Variants in INSL6 observed in about 807,000 individuals in gnomAD.
INSL6 encodes insulin like 6, also known as insulin-like peptide INSL6.
In INSL6, 16 loss-of-function variants were observed where a neutral mutation model predicts 9.4. The ratio of observed to expected loss-of-function variants is 1.70; its 90% CI spans 1.15 to 2.59. INSL6 has a LOEUF of 2.59. Among genes scored for constraint, INSL6 ranks in the 30% most tolerant of loss-of-function variants. The probability of loss-of-function intolerance (pLI) is 0.00; values close to 1 mark genes in which losing one functional copy is unlikely to be tolerated. For synonymous variants in INSL6, 154 were observed against 96.9 expected (o/e 1.59, Z -3.46); for missense variants, 391 against 257.3 (o/e 1.52, Z -3.56).
At chr9:5,016,700 A>T in the INSL6 span, among the ~76,000 whole-genome samples, 1 of 152,162 alleles carries the variant, frequency 6.6e-6, no homozygotes, top group African/African-American at 2.4e-5. Flanking sequence ...TACTGGCAGG[A>T]GGCACCCCAG....
At chr9:5,035,388 C>G in the INSL6 span, among the ~76,000 whole-genome samples, 1 of 152,292 alleles carries the variant, frequency 6.6e-6, no homozygotes, top group East Asian at 1.9e-4. Flanking sequence ...TTTTATGAGG[C>G]CAGCATCATC....
At chr9:5,173,258 C>A (rs1825222553) in intron 1 of INSL6, among the ~76,000 whole-genome samples, 2 of 152,076 alleles carry the variant, frequency 1.3e-5, no homozygotes, top group South Asian at 4.1e-4. Flanking sequence ...CCAGCAATAC[C>A]ATTATTGGGT....
At chr9:5,109,789 A>G in the INSL6 span, 1 of 152,194 alleles carries the variant, frequency 6.6e-6, no homozygotes, top group Non-Finnish European at 1.5e-5. Context: ...TCTCAATATG[A>G]TATATAAACT....
chr9:5,112,799 G>C, the INSL6 span: 1 of 555,502 alleles, frequency 1.8e-6, no homozygotes, highest in Non-Finnish European at 2.9e-6. Flanking sequence ...GGTGCTTTCA[G>C]CTGCCCACCT....
intron 3 of INSL6, among the ~76,000 whole-genome samples, chr9:5,131,479 C>T (rs1461886136): frequency 8.1e-6 from 1 of 123,294 alleles, no homozygotes; most frequent in Non-Finnish European, 1.5e-5. Flanking sequence ...CTCTTGTCGT[C>T]CAGGCTGGAG....
the INSL6 span, among the ~76,000 whole-genome samples, chr9:5,021,521 A>G: frequency 6.6e-6 from 1 of 152,192 alleles, no homozygotes; most frequent in Admixed American, 6.5e-5. Flanking sequence ...GTAATACACG[A>G]TATTTATCCA....
At chr9:5,125,568 T>A (rs1315061785) in intron 3 of INSL6, among the ~76,000 whole-genome samples, 2 of 151,586 alleles carry the variant, frequency 1.3e-5, no homozygotes, top group Non-Finnish European at 3.0e-5. Context: ...AAAATTTTTT[T>A]AATTTCAAAA....
chr9:5,105,449 T>C, the INSL6 span, among the ~76,000 whole-genome samples: 1 of 152,180 alleles, frequency 6.6e-6, no homozygotes, highest in Admixed American at 6.5e-5. Flanking sequence ...TCCATGCTCA[T>C]GGATAGGAAG....
chr9:5,050,550 C>G, the INSL6 span: 11 of 807,066 alleles, frequency 1.4e-5, no homozygotes, highest in Non-Finnish European at 2.1e-5. Flanking sequence ...GGATTACAGG[C>G]ATGAGCCACT....
At chr9:5,086,252 G>T in the INSL6 span, 1 of 537,284 alleles carries the variant, frequency 1.9e-6, no homozygotes, top group Non-Finnish European at 2.4e-6. Context: ...GTAGGATGGT[G>T]GCTCCGCCTC....
At chr9:5,058,689 G>A in the INSL6 span, among the ~76,000 whole-genome samples, 1 of 152,114 alleles carries the variant, frequency 6.6e-6, no homozygotes, top group East Asian at 1.9e-4. Flanking sequence ...TTCTCCACAT[G>A]CTCATCAAAA....
At chr9:5,177,497 G>A (rs1334886406) in intron 1 of INSL6, among the ~76,000 whole-genome samples, 3 of 152,168 alleles carry the variant, frequency 2.0e-5, no homozygotes, top group South Asian at 2.1e-4. Context: ...CAGAGCAAAC[G>A]CTCAGGCACA....
the INSL6 span, chr9:5,044,254 T>C: frequency 1.8e-6 from 1 of 564,774 alleles, no homozygotes. Flanking sequence ...CCACATATCC[T>C]TTTGTCTCAC....
At chr9:5,174,499 T>G (rs992402745) in intron 1 of INSL6, among the ~76,000 whole-genome samples, 2 of 152,210 alleles carry the variant, frequency 1.3e-5, no homozygotes, top group African/African-American at 4.8e-5. Flanking sequence ...CACACTCTCT[T>G]TTCTTCCAAC....
At chr9:5,131,747 C>T (rs1262080161) in intron 3 of INSL6, among the ~76,000 whole-genome samples, 2 of 152,112 alleles carry the variant, frequency 1.3e-5, no homozygotes, top group African/African-American at 4.8e-5. Context: ...GCCCAGTTAA[C>T]AATTTTAATC....
intron 2 of INSL6, among the ~76,000 whole-genome samples, chr9:5,143,133 A>T (rs1824534947): frequency 6.6e-6 from 1 of 152,110 alleles, no homozygotes; most frequent in African/African-American, 2.4e-5. Context: ...TTCATCAAGG[A>T]TATAGGCTTG....
chr9:5,087,238 G>A, the INSL6 span, among the ~76,000 whole-genome samples: 26,670 of 152,138 alleles, frequency 0.18, 2,548 homozygotes, highest in East Asian at 0.24. Flanking sequence ...GAAACTTACA[G>A]TCATGGCAGA....
chr9:5,175,142 G>A lies in INSL6; in HGVS notation c.289+10172C>T, dbSNP rs556008180. On this transcript the variant is annotated intron_variant, in intron 1 of 1. Coordinates refer to ENST00000381641, the MANE Select transcript of INSL6 (RefSeq NM_007179.3). ...TTTTTAGTAGAGATGGGGTTTCAAC[G>A]TGTTAGCCAGGATGGTCTCGATCTC... is the stretch of plus-strand genomic sequence containing the variant. 2.1e-4 allele frequency among the ~76,000 whole-genome samples: 32 copies of A among 152,096 alleles called. 2 individuals carry two copies. The highest frequency in any genetic ancestry group is 5.5e-4 in the African/African-American group (23 of 41,536).
At chr9:5,091,045 CTTT>C in the INSL6 span, 4 of 529,458 alleles carry the variant, frequency 7.6e-6, no homozygotes, top group Non-Finnish European at 1.3e-5. Flanking sequence ...TTACATTTAA[CTTT>C]TTTTTTTTAG....
Sources: allele counts gnomAD v4.1 joint callset (sites outside exome capture counted in the v4.1 genomes callset), GRCh38; gene constraint gnomAD v4.1.1; transcripts MANE v1.5; gene names NCBI Gene and HGNC (gene_info 2026-07-23, HGNC 2026-07-21).